ANKAR: variants seen among roughly 807,000 people sequenced by gnomAD.
The protein encoded by ANKAR is ankyrin and armadillo repeat containing.
A neutral mutation model predicts 146.2 loss-of-function variants in ANKAR; 136 were observed. That is an observed-to-expected ratio of 0.93 (90% confidence interval 0.81 to 1.07). ANKAR has a LOEUF of 1.07. ANKAR is among the 50% of genes least tolerant of loss of function. ANKAR has a pLI of 0.00. For missense variants in ANKAR, 1,567 were observed against 1,679.9 expected, an observed-to-expected ratio of 0.93 and a Z score of 1.18; for synonymous variants, 500 against 575.8, an observed-to-expected ratio of 0.87 and a Z score of 1.88.
intron 18 of ANKAR, among the ~76,000 whole-genome samples, chr2:189,759,966 G>A (rs996831660): frequency 2.0e-5 from 3 of 152,032 alleles, no homozygotes; most frequent in East Asian, 1.9e-4. Context: ...GACTCTTAAC[G>A]AGTATGCTGC....
intron 14 of ANKAR, 102 bp from the exon 15 acceptor site, chr2:189,728,558 C>T: frequency 6.7e-7 from 1 of 1,490,456 alleles, no homozygotes; most frequent in Non-Finnish European, 9.1e-7. Context: ...TTGCCTCAGC[C>T]TCCCAAGTAG....
intron 11 of ANKAR, among the ~76,000 whole-genome samples, chr2:189,720,122 A>G (rs1376880117): frequency 6.6e-6 from 1 of 152,146 alleles, no homozygotes; most frequent in Non-Finnish European, 1.5e-5. Flanking sequence ...AATTAATCTC[A>G]TTTGCTTCAC....
chr2:189,675,251 C>T (rs1339517948), intron 1 of ANKAR, among the ~76,000 whole-genome samples: 1 of 152,016 alleles, frequency 6.6e-6, no homozygotes, highest in Non-Finnish European at 1.5e-5. Context: ...TAAATCAAAC[C>T]ATTATATAGT....
chr2:189,761,518 T>C, downstream of ANKAR: 1 of 1,613,132 alleles, frequency 6.2e-7, no homozygotes, highest in South Asian at 1.1e-5. Context: ...TAGTTTCAAT[T>C]CCCAATACTA....
intron 18 of ANKAR, among the ~76,000 whole-genome samples, chr2:189,759,132 C>T (rs1349902473): frequency 6.6e-6 from 1 of 152,198 alleles, no homozygotes; most frequent in East Asian, 1.9e-4. Context: ...TTCACAGTGC[C>T]TTACTAATAT....
At chr2:189,741,508 T>G in intron 20 of ANKAR, 57 bp downstream of exon 20, 1 of 1,314,748 alleles carries the variant, frequency 7.6e-7, no homozygotes, top group Non-Finnish European at 1.1e-6. Flanking sequence ...ATAATTTACC[T>G]CTCCCTCTGT....
intron 18 of ANKAR, among the ~76,000 whole-genome samples, chr2:189,757,529 A>C (rs2046257609): frequency 6.6e-6 from 1 of 152,272 alleles, no homozygotes; most frequent in Non-Finnish European, 1.5e-5. Flanking sequence ...ATTCACACTT[A>C]ATATTCACAA....
At chr2:189,717,015 A>G (rs2040554664) in intron 10 of ANKAR, among the ~76,000 whole-genome samples, 1 of 152,148 alleles carries the variant, frequency 6.6e-6, no homozygotes, top group Non-Finnish European at 1.5e-5. Flanking sequence ...AATACCATTC[A>G]GGACATAGGC....
chr2:189,718,740 A>AT (rs1335533047), intron 10 of ANKAR, among the ~76,000 whole-genome samples: 15 of 117,498 alleles, frequency 1.3e-4, no homozygotes, highest in African/African-American at 4.0e-4. Flanking sequence ...CAGATTTTCT[A>AT]TTTTCTTTTT....
chr2:189,731,504 G>C (rs1318432152), intron 16 of ANKAR, among the ~76,000 whole-genome samples: 1 of 151,064 alleles, frequency 6.6e-6, no homozygotes, highest in East Asian at 2.0e-4. Flanking sequence ...CTCCTGAATA[G>C]CTGGGATTAC....
chr2:189,758,622 A>G (rs2046457152), intron 18 of ANKAR, among the ~76,000 whole-genome samples: 1 of 152,206 alleles, frequency 6.6e-6, no homozygotes, highest in Non-Finnish European at 1.5e-5. Flanking sequence ...ATGAACTAAC[A>G]CAGGTTATAA....
intron 9 of ANKAR, among the ~76,000 whole-genome samples, chr2:189,710,279 C>T (rs1218366435): frequency 2.2e-5 from 2 of 89,736 alleles, no homozygotes; most frequent in South Asian, 1.0e-3. Context: ...CAAGTTCATC[C>T]AAGATTTTAT....
intron 10 of ANKAR, among the ~76,000 whole-genome samples, chr2:189,718,381 CA>C (rs1174520548): frequency 1.3e-5 from 2 of 152,014 alleles, no homozygotes; most frequent in Non-Finnish European, 2.9e-5. Context: ...CACACACACA[CA>C]CACACACACA....
rs1052550837 is a variant in ANKAR at position 189,728,080 on chromosome 2, C to A, written c.2860C>A (p.Leu954Ile). 1 of 1,611,172 alleles carries A rather than the reference C, an allele frequency of 6.2e-7. No individual in the cohort carries two copies. Among genetic ancestry groups the A allele is most frequent in the Non-Finnish European group, 8.5e-7 (1 of 1,178,354 alleles). ...TCTGGAAAAATCGTTAACTAAATATCTTTTAAAACTCCTAAAGGTAGGAAT... is the reference window on the plus strand; with the variant it reads ...TCTGGAAAAATCGTTAACTAAATATATTTTAAAACTCCTAAAGGTAGGAAT... ...AFLEKSLTKY[L>I]LKLLKAFQID... The change falls in exon 13 of 23, where the codon CTT becomes ATT. Residue 954 changes from leucine to isoleucine, a missense_variant. Physicochemically the swap from Leu to Ile is conservative, Grantham distance 5. Transcript: ENST00000684021.
intron 2 of ANKAR, among the ~76,000 whole-genome samples, chr2:189,682,014 T>A (rs114538873): frequency 0.019 from 2,829 of 152,302 alleles, 87 homozygotes; most frequent in African/African-American, 0.064. Flanking sequence ...AAAATTGTTC[T>A]TAAATGAGGC....
rs376981104 is a variant in ANKAR, at chr2:189,696,307, T to C, written c.1646T>C (p.Ile549Thr). 5 of 1,614,100 alleles carry C rather than the reference T, an allele frequency of 3.1e-6. No homozygotes were observed. Among genetic ancestry groups the C allele is most frequent in the African/African-American group, 1.3e-5 (1 of 75,050 alleles). The change falls in exon 7 of 23, where the codon ATA becomes ACA. Residue 549 changes from isoleucine to threonine, a missense_variant. Ile to Thr is a moderately conservative substitution (Grantham distance 89, BLOSUM62 -1). Coordinates refer to ENST00000684021, the MANE Select transcript of ANKAR (RefSeq NM_001378068.1). Reference protein sequence around the residue: ...HAALHNRVSIICQLCNANFKV... With the variant: ...HAALHNRVSITCQLCNANFKV... The stretch of plus-strand genomic sequence containing the variant: ...GCCCTGCACAACAGAGTTTCTATTA[T>C]ATGTCAACTGTGCAATGCTAACTTC...
chr2:189,691,873 C>T (rs1353402449), intron 3 of ANKAR, among the ~76,000 whole-genome samples: 1 of 151,926 alleles, frequency 6.6e-6, no homozygotes, highest in Non-Finnish European at 1.5e-5. Context: ...GCGATACTCT[C>T]ACCTCAGCCT....
intron 15 of ANKAR, among the ~76,000 whole-genome samples, chr2:189,729,695 C>CGT (rs139823318): frequency 1.1e-4 from 10 of 94,206 alleles, no homozygotes; most frequent in African/African-American, 2.4e-4. Context: ...ATCAGCTGTG[C>CGT]GTGTGTGTGT....
intron 12 of ANKAR, among the ~76,000 whole-genome samples, chr2:189,724,850 A>G (rs1314249109): frequency 1.3e-5 from 2 of 152,324 alleles, no homozygotes; most frequent in Middle Eastern, 3.4e-3. Context: ...TTGATATTCT[A>G]CATAATAAAA....
Sources: gnomAD v4.1 joint callset for allele counts (sites outside exome capture counted in the v4.1 genomes callset) on GRCh38, gnomAD v4.1.1 for gene constraint, MANE v1.5 for transcripts, NCBI Gene and HGNC (gene_info 2026-07-23, HGNC 2026-07-21) for gene names.